EPHA6: variants seen among roughly 807,000 people sequenced by gnomAD.
EPHA6 encodes the protein ephrin type-A receptor 6.
In EPHA6, 50 loss-of-function variants were observed where a neutral mutation model predicts 112.0. The observed-to-expected ratio is 0.45, with a 90% confidence interval of 0.36 to 0.56. EPHA6 has a LOEUF of 0.56. Among genes scored for constraint, EPHA6 ranks in the 20% least tolerant of loss-of-function variants. The probability of loss-of-function intolerance (pLI) is 0.00; values close to 1 mark genes in which losing one functional copy is unlikely to be tolerated. For missense variants in EPHA6, 1,280 were observed against 1,417.4 expected (o/e 0.90, Z 1.56); for synonymous variants, 529 against 490.7 (o/e 1.08, Z -1.03).
At chr3:97,588,802 T>C (rs1020471220) in intron 11 of EPHA6, among the ~76,000 whole-genome samples, 3 of 152,232 alleles carry the variant, frequency 2.0e-5, no homozygotes, top group African/African-American at 7.2e-5. Context: ...TAGTCTGTTA[T>C]CTTTTACACA....
intron 4 of EPHA6, among the ~76,000 whole-genome samples, chr3:97,239,155 C>A (rs1474821627): frequency 6.6e-6 from 1 of 151,768 alleles, no homozygotes; most frequent in Non-Finnish European, 1.5e-5. Context: ...TGTGCATACT[C>A]CTGAATTTTG....
intron 2 of EPHA6, among the ~76,000 whole-genome samples, chr3:96,948,341 A>G (rs1290535815): frequency 1.3e-5 from 2 of 152,136 alleles, no homozygotes; most frequent in Non-Finnish European, 2.9e-5. Flanking sequence ...TGATTCCTCC[A>G]CCCATATTCC....
intron 2 of EPHA6, among the ~76,000 whole-genome samples, chr3:96,963,031 G>T (rs1319502235): frequency 2.0e-5 from 3 of 151,956 alleles, no homozygotes; most frequent in African/African-American, 4.8e-5. Context: ...GCATGTGCCT[G>T]TAGTCCCAGC....
intron 5 of EPHA6, among the ~76,000 whole-genome samples, chr3:97,284,706 C>T (rs2080406770): frequency 6.6e-6 from 1 of 152,040 alleles, no homozygotes; most frequent in South Asian, 2.1e-4. Context: ...AGATTTCATA[C>T]TGTTGTTATA....
intron 2 of EPHA6, among the ~76,000 whole-genome samples, chr3:96,954,855 G>A (rs1004515150): frequency 1.5e-4 from 19 of 130,988 alleles, no homozygotes; most frequent in East Asian, 1.3e-3. Context: ...CTGCAGTGGC[G>A]CAATCTCGGC....
intron 2 of EPHA6, among the ~76,000 whole-genome samples, chr3:96,911,390 A>G (rs1470868962): frequency 6.6e-6 from 1 of 152,034 alleles, no homozygotes; most frequent in Non-Finnish European, 1.5e-5. Context: ...TTATGTTTTT[A>G]TTGTGGAAAG....
intron 3 of EPHA6, among the ~76,000 whole-genome samples, chr3:97,108,922 A>G (rs1228263036): frequency 6.6e-6 from 1 of 152,144 alleles, no homozygotes; most frequent in East Asian, 1.9e-4. Context: ...GTTCAAAGCT[A>G]TGGTGGACAT....
intron 2 of EPHA6, among the ~76,000 whole-genome samples, chr3:96,934,893 C>T (rs989632445): frequency 2.0e-5 from 3 of 151,472 alleles, no homozygotes; most frequent in Non-Finnish European, 3.0e-5. Flanking sequence ...TATCTTTGCT[C>T]CTAGCATTAT....
At chr3:97,695,061 AT>A (rs1305888236) in intron 14 of EPHA6, among the ~76,000 whole-genome samples, 2 of 152,332 alleles carry the variant, frequency 1.3e-5, no homozygotes, top group East Asian at 3.9e-4. Flanking sequence ...ACAATAAAAC[AT>A]CCCCAGAGCA....
chr3:97,156,875 T>C (rs752056357), intron 3 of EPHA6, among the ~76,000 whole-genome samples: 1 of 152,154 alleles, frequency 6.6e-6, no homozygotes. Flanking sequence ...ATTTGAAATA[T>C]ACTTTTTTGG....
chr3:97,479,850 A>G (rs1327730083), intron 9 of EPHA6, among the ~76,000 whole-genome samples: 2 of 152,184 alleles, frequency 1.3e-5, no homozygotes, highest in African/African-American at 4.8e-5. Flanking sequence ...CTACAAGGTT[A>G]TATTCATTTG....
chr3:96,947,202 G>A (rs2041310644), intron 2 of EPHA6, among the ~76,000 whole-genome samples: 1 of 151,968 alleles, frequency 6.6e-6, no homozygotes, highest in African/African-American at 2.4e-5. Context: ...CCATTTGTCA[G>A]TTTTGGCTTT....
At chr3:97,212,869 C>T (rs2077914950) in intron 3 of EPHA6, among the ~76,000 whole-genome samples, 1 of 151,986 alleles carries the variant, frequency 6.6e-6, no homozygotes, top group South Asian at 2.1e-4. Flanking sequence ...GTGTATATAA[C>T]CCCTGTTTCT....
chr3:97,586,986 C>G (rs762251655), intron 11 of EPHA6, among the ~76,000 whole-genome samples: 75 of 152,136 alleles, frequency 4.9e-4, no homozygotes, highest in Admixed American at 6.6e-5. Flanking sequence ...CACATGCCTG[C>G]AATCCCAGCA....
intron 5 of EPHA6, among the ~76,000 whole-genome samples, chr3:97,330,032 C>G (rs1354734556): frequency 1.3e-5 from 2 of 151,952 alleles, no homozygotes; most frequent in Non-Finnish European, 2.9e-5. Context: ...AGCTTTCTAC[C>G]TATGGCTAGC....
intron 2 of EPHA6, among the ~76,000 whole-genome samples, chr3:96,892,259 C>T (rs1371286212): frequency 1.3e-5 from 2 of 152,038 alleles, no homozygotes; most frequent in African/African-American, 2.4e-5. Flanking sequence ...CTTGCTCTGT[C>T]GCCCAGGCTG....
chr3:96,953,132 C>G (rs2041619608), intron 2 of EPHA6, among the ~76,000 whole-genome samples: 1 of 151,884 alleles, frequency 6.6e-6, no homozygotes, highest in Non-Finnish European at 1.5e-5. Context: ...TATCATGATG[C>G]TAAGTTAGGT....
chr3:96,920,767 C>G (rs2039716028), intron 2 of EPHA6, among the ~76,000 whole-genome samples: 1 of 151,862 alleles, frequency 6.6e-6, no homozygotes, highest in Non-Finnish European at 1.5e-5. Flanking sequence ...TTAAATAACT[C>G]CATTAAATGG....
At chr3:97,407,874 A>G (rs2087460976) in intron 6 of EPHA6, among the ~76,000 whole-genome samples, 1 of 152,066 alleles carries the variant, frequency 6.6e-6, no homozygotes, top group East Asian at 1.9e-4. Flanking sequence ...GCTTCTATTC[A>G]TATCGAAGAG....
Sources: allele counts gnomAD v4.1 joint callset (sites outside exome capture counted in the v4.1 genomes callset), GRCh38; gene constraint gnomAD v4.1.1; transcripts MANE v1.5; gene names NCBI Gene and HGNC (gene_info 2026-07-23, HGNC 2026-07-21).